Variants in TMEM132C observed in about 807,000 individuals in gnomAD.
TMEM132C encodes the protein transmembrane protein 132C.
In TMEM132C, 29 loss-of-function variants were observed where a neutral mutation model predicts 61.4. That is an observed-to-expected ratio of 0.47 (90% confidence interval 0.35 to 0.64). The LOEUF is 0.64. TMEM132C is among the 30% of genes least tolerant of loss of function. The probability of loss-of-function intolerance (pLI) is 0.00; values close to 1 mark genes in which losing one functional copy is unlikely to be tolerated. For synonymous variants in TMEM132C, 656 were observed against 633.1 expected, an observed-to-expected ratio of 1.04 and a Z score of -0.54; for missense variants, 1,408 against 1,476.9, an observed-to-expected ratio of 0.95 and a Z score of 0.76.
rs139259877 is a variant in TMEM132C at position 128,556,788 on chromosome 12, C to T, written c.1121+12685C>T. Among the ~76,000 whole-genome samples, 428 of 152,226 alleles carry T rather than the reference C, an allele frequency of 2.8e-3. 1 individual carries two copies. Among genetic ancestry groups the T allele is most frequent in the African/African-American group, 4.4e-3 (181 of 41,540 alleles). On this transcript the variant is annotated intron_variant, in intron 3 of 8. Transcript: ENST00000435159. ...GTGGAAAGGCCAAAAGGAGGACCCC[C>T]GAGCCTTGTGAATAGAGCATGGTGT...
At chr12:128,346,714 G>T (rs748241392) in intron 1 of TMEM132C, among the ~76,000 whole-genome samples, 1 of 152,118 alleles carries the variant, frequency 6.6e-6, no homozygotes. Flanking sequence ...TGTCGATGGC[G>T]TATAGGGATG....
chr12:128,476,028 A>C (rs892167265), intron 2 of TMEM132C, among the ~76,000 whole-genome samples: 1 of 152,186 alleles, frequency 6.6e-6, no homozygotes, highest in African/African-American at 2.4e-5. Flanking sequence ...ACATTAAATC[A>C]AGCCATCTTC....
At chr12:128,457,851 C>T (rs1350910897) in intron 2 of TMEM132C, among the ~76,000 whole-genome samples, 1 of 152,084 alleles carries the variant, frequency 6.6e-6, no homozygotes, top group East Asian at 1.9e-4. Flanking sequence ...AGAATCCAGC[C>T]ATTGAGAGCC....
At chr12:128,697,510 GT>G in intron 8 of TMEM132C, 95 bp downstream of exon 8, 1 of 1,288,964 alleles carries the variant, frequency 7.8e-7, no homozygotes, top group Non-Finnish European at 1.0e-6. Context: ...ATGGGGGCAG[GT>G]TAGCAGAACC....
intron 1 of TMEM132C, among the ~76,000 whole-genome samples, chr12:128,385,091 C>T (rs977056450): frequency 2.6e-5 from 4 of 152,140 alleles, no homozygotes; most frequent in African/African-American, 9.7e-5. Flanking sequence ...GAGAAGAGCT[C>T]GGCTTTGGAA....
rs951840581 is a variant in TMEM132C at position 128,706,177 on chromosome 12, C to T, written c.3209C>T (p.Thr1070Met). ...ATCCCCCCGGACGACAGCTGCCCCA[C>T]GGTGAACTCCATCGTCAGCAGCAAT... ...TTIPPDDSCPTVNSIVSSNDE... is the reference protein window; with the variant it reads ...TTIPPDDSCPMVNSIVSSNDE... The change falls in exon 9 of 9, where the codon ACG (threonine) becomes ATG (methionine). Residue 1070 changes from threonine (T) to methionine (M), a missense_variant. Transcript: ENST00000435159. The T allele has an allele frequency of 3.9e-5, 61 of 1,550,540 alleles. No homozygotes were observed. The highest frequency in any genetic ancestry group is 1.2e-4 in the African/African-American group (9 of 73,020).
intron 8 of TMEM132C, among the ~76,000 whole-genome samples, chr12:128,703,587 T>C (rs369198733): frequency 6.6e-6 from 1 of 152,196 alleles, no homozygotes; most frequent in Non-Finnish European, 1.5e-5. Context: ...TGGAGGAGGC[T>C]GAAATATGCA....
chr12:128,387,158 A>T (rs988919787), intron 1 of TMEM132C, among the ~76,000 whole-genome samples: 1 of 151,758 alleles, frequency 6.6e-6, no homozygotes, highest in African/African-American at 2.4e-5. Context: ...AAAAAAAAAA[A>T]AAAGAAACTA....
intron 1 of TMEM132C, among the ~76,000 whole-genome samples, chr12:128,352,223 G>T (rs1288600661): frequency 2.6e-5 from 4 of 152,202 alleles, no homozygotes; most frequent in African/African-American, 9.6e-5. Flanking sequence ...CCACGGGGCT[G>T]GGGAGGCCTC....
At chr12:128,567,942 C>T (rs1874758107) in intron 3 of TMEM132C, among the ~76,000 whole-genome samples, 1 of 152,214 alleles carries the variant, frequency 6.6e-6, no homozygotes, top group Non-Finnish European at 1.5e-5. Flanking sequence ...CCCATCTCAG[C>T]CACGTGGCCT....
chr12:128,405,278 C>A (rs1176067376), intron 1 of TMEM132C, among the ~76,000 whole-genome samples: 1 of 152,150 alleles, frequency 6.6e-6, no homozygotes, highest in African/African-American at 2.4e-5. Flanking sequence ...CTTATGATTC[C>A]TTAATCTGCT....
intron 2 of TMEM132C, among the ~76,000 whole-genome samples, chr12:128,489,238 C>T (rs1330961482): frequency 6.6e-6 from 1 of 152,100 alleles, no homozygotes; most frequent in Admixed American, 6.6e-5. Context: ...CAGGTATTCA[C>T]ACCAGGATGC....
intron 8 of TMEM132C, among the ~76,000 whole-genome samples, chr12:128,701,601 G>A (rs759994393): frequency 2.0e-5 from 3 of 152,152 alleles, no homozygotes; most frequent in African/African-American, 4.8e-5. Flanking sequence ...CTGCTCCCAG[G>A]CTACTCCAAT....
At chr12:128,528,456 G>A (rs1009410753) in intron 2 of TMEM132C, among the ~76,000 whole-genome samples, 1 of 152,212 alleles carries the variant, frequency 6.6e-6, no homozygotes, top group African/African-American at 2.4e-5. Flanking sequence ...TGCGTGGACA[G>A]TGTTTTTGGG....
rs180893642 is a variant in TMEM132C, at chr12:128,606,734, G to T, written c.1122-9418G>T. ...AAAGGCGCTTGAGTTTGTGGACTCT[G>T]CCACAGATGGACACACCTCTCTGCC... On this transcript the variant is annotated intron_variant, in intron 3 of 8. Transcript: ENST00000435159. 2.6e-5 allele frequency among the ~76,000 whole-genome samples: 4 copies of T among 152,202 alleles called. No individual in the cohort carries two copies. The East Asian group carries it at 7.7e-4, about 29-fold the overall frequency.
rs572397318 is a variant in TMEM132C, at chr12:128,538,414, G to A, written c.975-5543G>A. On this transcript the variant is annotated intron_variant, in intron 2 of 8. Transcript: ENST00000435159. ...GCTGGGATTACAGGCATGGGTCACCGTGTGGGGCTAATTATTTTATCTTTT... is the reference window on the plus strand; with the variant it reads ...GCTGGGATTACAGGCATGGGTCACCATGTGGGGCTAATTATTTTATCTTTT... Among the ~76,000 whole-genome samples the A allele has an allele frequency of 1.6e-3, 251 of 152,144 alleles. 2 individuals are homozygous for A. The highest frequency in any genetic ancestry group is 3.4e-3 in the Middle Eastern group (1 of 294).
intron 2 of TMEM132C, among the ~76,000 whole-genome samples, chr12:128,456,537 G>C (rs1870351627): frequency 6.6e-6 from 1 of 150,778 alleles, no homozygotes; most frequent in African/African-American, 2.4e-5. Context: ...CTCCCAAGTA[G>C]CTGGGACCAC....
At chr12:128,402,058 G>GAGGGAGAC (rs1837330400) in intron 1 of TMEM132C, among the ~76,000 whole-genome samples, 1 of 152,138 alleles carries the variant, frequency 6.6e-6, no homozygotes, top group South Asian at 2.1e-4. Flanking sequence ...GGTCCCTGTA[G>GAGGGAGAC]AGGGAGACAG....
chr12:128,666,378 A>T (rs1478956409), intron 4 of TMEM132C, among the ~76,000 whole-genome samples: 2 of 152,166 alleles, frequency 1.3e-5, no homozygotes, highest in African/African-American at 4.8e-5. Context: ...TTCATGAGAC[A>T]CTGAATCTTG....
Sources: gnomAD v4.1 joint callset for allele counts (sites outside exome capture counted in the v4.1 genomes callset) on GRCh38, gnomAD v4.1.1 for gene constraint, MANE v1.5 for transcripts, NCBI Gene and HGNC (gene_info 2026-07-23, HGNC 2026-07-21) for gene names.